LGR6: variants seen among roughly 807,000 people sequenced by gnomAD.
LGR6 encodes the protein leucine rich repeat containing G protein-coupled receptor 6, also known as leucine-rich repeat-containing G protein-coupled receptor 6.
Under a neutral mutation model 69.4 loss-of-function variants are expected in LGR6, and 45 were observed. The ratio of observed to expected loss-of-function variants is 0.65; its 90% CI spans 0.51 to 0.83. LGR6 has a LOEUF of 0.83. LGR6 is among the 40% of genes least tolerant of loss of function. LGR6 has a pLI of 0.00. For missense variants in LGR6, 1,108 were observed against 1,246.7 expected, an observed-to-expected ratio of 0.89 and a Z score of 1.68; for synonymous variants, 538 against 555.0, an observed-to-expected ratio of 0.97 and a Z score of 0.43.
chr1:202,248,067 A>G (rs966646269), intron 4 of LGR6, among the ~76,000 whole-genome samples: 1 of 152,068 alleles, frequency 6.6e-6, no homozygotes, highest in Non-Finnish European at 1.5e-5. Flanking sequence ...TCTGCCAGCC[A>G]CTCGCTGGAG....
In LGR6 at chr1:202,242,831, A is replaced by G. The variant is rs1275343619; in HGVS notation, c.428+6838A>G. Among the ~76,000 whole-genome samples the G allele has an allele frequency of 3.9e-5, 6 of 152,272 alleles. No homozygotes were observed. The South Asian group carries it at 8.3e-4, about 21-fold the overall frequency. On this transcript the variant is annotated intron_variant, in intron 4 of 17. Transcript: ENST00000367278. ...CATCTCATGCCTCTGATCGCCCTCC[A>G]AAGGACTATTGTACCCCCAGACTAA... is the stretch of plus-strand genomic sequence containing the variant.
chr1:202,195,302 G>C (rs559023198), intron 1 of LGR6, among the ~76,000 whole-genome samples: 2 of 152,302 alleles, frequency 1.3e-5, no homozygotes, highest in East Asian at 3.9e-4. Flanking sequence ...AATCTTTATA[G>C]GGGCCTAGCA....
At chr1:202,214,067 G>C in intron 1 of LGR6, 5 of 1,358,890 alleles carry the variant, frequency 3.7e-6, no homozygotes, top group Non-Finnish European at 4.7e-6. Flanking sequence ...AAGGGCATAC[G>C]AGAGAAGCGG....
At chr1:202,238,644 C>T (rs1050802775) in intron 4 of LGR6, among the ~76,000 whole-genome samples, 4 of 151,908 alleles carry the variant, frequency 2.6e-5, no homozygotes, top group Admixed American at 2.6e-4. Context: ...AGGCTGGTCT[C>T]GAACTCCTGA....
At chr1:202,260,534 A>G (rs1266545320) in intron 4 of LGR6, among the ~76,000 whole-genome samples, 2 of 152,152 alleles carry the variant, frequency 1.3e-5, no homozygotes, top group East Asian at 1.9e-4. Context: ...GGGTTTCACC[A>G]TGTTGGCCAG....
Position 202,297,693 on chromosome 1 carries a change from G to A in LGR6, c.785+117G>A. 8 of 777,936 alleles carry A rather than the reference G, an allele frequency of 1.0e-5. No individual in the cohort carries two copies. In the South Asian group the frequency reaches 1.3e-4, roughly 13 times the overall value. 48.2% of individuals were successfully genotyped at this position (777,936 alleles called of 1,614,324 possible). On this transcript the variant is annotated intron_variant, in intron 7 of 17. Transcript: ENST00000367278. ...ACCTCCCATGGTCCTTATAAAAGAT[G>A]TAGCTGTCCCCCACCCTCCCGCCCC...
chr1:202,306,760 G>T, intron 12 of LGR6, 108 bp from the exon 13 acceptor site: 1 of 997,992 alleles, frequency 1.0e-6, no homozygotes, highest in Non-Finnish European at 1.6e-6. Flanking sequence ...TTCTTCCTGT[G>T]CCAGGAGAAG....
At chr1:202,220,423 T>A (rs1444930034) in intron 1 of LGR6, among the ~76,000 whole-genome samples, 3 of 134,132 alleles carry the variant, frequency 2.2e-5, no homozygotes, top group African/African-American at 7.5e-5. Context: ...TTCACCATGT[T>A]GGCCAGACTG....
chr1:202,208,471 C>T (rs1257604335), intron 1 of LGR6, among the ~76,000 whole-genome samples: 1 of 151,812 alleles, frequency 6.6e-6, no homozygotes, highest in African/African-American at 2.4e-5. Context: ...GAGGGAGGTG[C>T]CAGGGTCCCC....
At chr1:202,279,825 T>C (rs1438543473) in intron 5 of LGR6, among the ~76,000 whole-genome samples, 1 of 152,242 alleles carries the variant, frequency 6.6e-6, no homozygotes, top group African/African-American at 2.4e-5. Flanking sequence ...GTCTGCACTG[T>C]CCCTTGTTTT....
chr1:202,236,188 C>A (rs1268090009), intron 4 of LGR6, 195 bp downstream of exon 4: 1 of 596,302 alleles, frequency 1.7e-6, no homozygotes, highest in East Asian at 2.8e-5. Flanking sequence ...TGTGTACACT[C>A]CTATGCATAT....
chr1:202,295,065 T>C (rs1212910031), intron 6 of LGR6, among the ~76,000 whole-genome samples: 1 of 152,114 alleles, frequency 6.6e-6, no homozygotes, highest in Non-Finnish European at 1.5e-5. Context: ...CGGTGGCTCA[T>C]GCCTGTAATC....
At chr1:202,215,237 C>A (rs1558010034) in intron 1 of LGR6, among the ~76,000 whole-genome samples, 1 of 152,148 alleles carries the variant, frequency 6.6e-6, no homozygotes, top group Non-Finnish European at 1.5e-5. Context: ...TTCAGCTAAA[C>A]AAACAAGGCT....
At chr1:202,267,350 GT>G (rs1664753241) in intron 4 of LGR6, among the ~76,000 whole-genome samples, 1 of 152,142 alleles carries the variant, frequency 6.6e-6, no homozygotes, top group African/African-American at 2.4e-5. Flanking sequence ...TCTGGGCTTG[GT>G]GACTACTTCT....
intron 1 of LGR6, among the ~76,000 whole-genome samples, chr1:202,208,921 G>A (rs1009293030): frequency 1.3e-5 from 2 of 152,156 alleles, no homozygotes; most frequent in Admixed American, 1.3e-4. Context: ...GGTAAAGAGT[G>A]TAGTAAGAGG....
At chr1:202,237,189 C>G (rs539684557) in intron 4 of LGR6, among the ~76,000 whole-genome samples, 27 of 152,362 alleles carry the variant, frequency 1.8e-4, no homozygotes, top group African/African-American at 3.1e-4. Flanking sequence ...TTCTGCCCCC[C>G]CTTCCCAATG....
chr1:202,319,600 A>G lies in LGR6; in HGVS notation c.*393A>G. The G allele has an allele frequency of 5.3e-6, 1 of 187,132 alleles. No individual in the cohort carries two copies. Among genetic ancestry groups the G allele is most frequent in the Non-Finnish European group, 1.1e-5 (1 of 89,668 alleles). The allele number at this position is 187,132 out of a possible 1,614,324, so 11.6% of individuals were successfully genotyped here. A position where few individuals can be genotyped will look rare whatever the true frequency, so the allele number is the denominator to read the frequency against. Reference sequence around the variant, plus strand: ...TGGAAGGTGATTTCCCGTGTGACTCATGGATAGGATACAAAATGTGTTCCA... The same window carrying G: ...TGGAAGGTGATTTCCCGTGTGACTCGTGGATAGGATACAAAATGTGTTCCA... On this transcript the variant is annotated 3_prime_UTR_variant, in exon 18 of 18. Coordinates refer to ENST00000367278, the MANE Select transcript of LGR6 (RefSeq NM_001017403.2).
At chr1:202,220,295 G>A (rs969967814) in intron 1 of LGR6, among the ~76,000 whole-genome samples, 1 of 151,858 alleles carries the variant, frequency 6.6e-6, no homozygotes, top group African/African-American at 2.4e-5. Flanking sequence ...TTGGCTCCCT[G>A]CAACCTCCGC....
chr1:202,314,946 T>C, intron 17 of LGR6, 64 bp downstream of exon 17: 1 of 1,213,868 alleles, frequency 8.2e-7, no homozygotes, highest in South Asian at 1.2e-5. Flanking sequence ...ACCACCTAGT[T>C]GAGGTATTAG....
Sources: gnomAD v4.1 joint callset for allele counts (sites outside exome capture counted in the v4.1 genomes callset) on GRCh38, gnomAD v4.1.1 for gene constraint, MANE v1.5 for transcripts, NCBI Gene and HGNC (gene_info 2026-07-23, HGNC 2026-07-21) for gene names.